The following NDST3 variants were observed in gnomAD, a reference collection of about 807,000 sequenced individuals.
NDST3 encodes the protein bifunctional heparan sulfate N-deacetylase/N-sulfotransferase 3.
A neutral mutation model predicts 96.1 loss-of-function variants in NDST3; 58 were observed. The ratio of observed to expected loss-of-function variants is 0.60; its 90% CI spans 0.49 to 0.75. The LOEUF (loss-of-function observed/expected upper bound fraction) is 0.75, where lower values mean the gene tolerates loss of function less well. Among genes scored for constraint, NDST3 ranks in the 30% least tolerant of loss-of-function variants. The pLI is 0.00. For synonymous variants in NDST3, 333 were observed against 359.7 expected, an observed-to-expected ratio of 0.93 and a Z score of 0.84; for missense variants, 788 against 1,034.2, an observed-to-expected ratio of 0.76 and a Z score of 3.27.
In NDST3 at chr4:118,053,956, AT is replaced by A; in HGVS notation, c.48del (p.Leu17CysfsTer8). On this transcript the variant is annotated frameshift_variant, in exon 2 of 14. Transcript: ENST00000296499. LOFTEE classifies it high-confidence loss of function. Reference sequence around the variant, plus strand: ...TCACAGACACTTTCAAAGAACAGTCATTCTGCTTGCCACTTTTTGTATGGTG... The same window carrying A: ...TCACAGACACTTTCAAAGAACAGTCATCTGCTTGCCACTTTTTGTATGGTG... ...KLHRHFQRTV[I>X]LLATFCMVSI... 6.2e-7 allele frequency: 1 copy of A among 1,611,776 alleles called. No homozygotes were observed. The highest frequency in any genetic ancestry group is 2.2e-5 in the East Asian group (1 of 44,830).
intron 2 of NDST3, among the ~76,000 whole-genome samples, chr4:118,075,587 C>A (rs1054044833): frequency 3.9e-5 from 6 of 152,026 alleles, no homozygotes; most frequent in Non-Finnish European, 5.9e-5. Context: ...AATGATTGCC[C>A]TTCTAAGTGG....
intron 4 of NDST3, among the ~76,000 whole-genome samples, chr4:118,132,882 G>GCC (rs1297920059): frequency 6.6e-6 from 1 of 152,114 alleles, no homozygotes; most frequent in Admixed American, 6.6e-5. Flanking sequence ...TGGAATGGGG[G>GCC]CCTCATGACT....
At chr4:118,142,961 C>T (rs942455763) in intron 5 of NDST3, among the ~76,000 whole-genome samples, 2 of 152,134 alleles carry the variant, frequency 1.3e-5, no homozygotes, top group African/African-American at 2.4e-5. Context: ...CTCTTTCTTA[C>T]AGTAGGAACT....
At chr4:118,067,598 CA>C (rs1726697395) in intron 2 of NDST3, among the ~76,000 whole-genome samples, 1 of 152,060 alleles carries the variant, frequency 6.6e-6, no homozygotes, top group Non-Finnish European at 1.5e-5. Context: ...TCATTGTATT[CA>C]AAAAAGTTAT....
chr4:118,064,806 A>T (rs768130847), intron 2 of NDST3, among the ~76,000 whole-genome samples: 3 of 152,106 alleles, frequency 2.0e-5, no homozygotes, highest in Non-Finnish European at 4.4e-5. Flanking sequence ...TTACTGAGCT[A>T]AGTTCAAGAT....
chr4:118,125,472 T>C (rs762101189), intron 4 of NDST3, among the ~76,000 whole-genome samples: 4 of 152,220 alleles, frequency 2.6e-5, no homozygotes, highest in Non-Finnish European at 4.4e-5. Flanking sequence ...GAGAAATAGT[T>C]AGTGGTCAAA....
At chr4:118,137,744 G>T (rs1733231747) in intron 4 of NDST3, among the ~76,000 whole-genome samples, 1 of 152,100 alleles carries the variant, frequency 6.6e-6, no homozygotes, top group South Asian at 2.1e-4. Flanking sequence ...GTTGACGTAT[G>T]GGCAATAGGA....
chr4:118,105,355 A>C (rs1218592187), intron 3 of NDST3, among the ~76,000 whole-genome samples: 2 of 152,198 alleles, frequency 1.3e-5, no homozygotes, highest in African/African-American at 4.8e-5. Flanking sequence ...CATAAATAGT[A>C]AATGTGATAT....
At chr4:118,071,575 G>T (rs1727080079) in intron 2 of NDST3, among the ~76,000 whole-genome samples, 3 of 152,054 alleles carry the variant, frequency 2.0e-5, no homozygotes, top group African/African-American at 4.8e-5. Flanking sequence ...ATCCATTGGG[G>T]TGTTCTACAA....
At chr4:118,142,369 G>T (rs564076960) in intron 5 of NDST3, among the ~76,000 whole-genome samples, 2 of 151,616 alleles carry the variant, frequency 1.3e-5, no homozygotes, top group South Asian at 2.1e-4. Flanking sequence ...ACAATAGGTT[G>T]TATTATATAA....
intron 6 of NDST3, among the ~76,000 whole-genome samples, chr4:118,191,436 C>CTT (rs1288827205): frequency 6.6e-6 from 1 of 152,114 alleles, no homozygotes; most frequent in Non-Finnish European, 1.5e-5. Flanking sequence ...AGGTGGTGAT[C>CTT]TTTTAAACTT....
chr4:118,205,304 T>C (rs1370035532), intron 6 of NDST3, among the ~76,000 whole-genome samples: 1 of 144,562 alleles, frequency 6.9e-6, no homozygotes, highest in Non-Finnish European at 1.5e-5. Context: ...ATTTATCATC[T>C]ATTTACAGAA....
intron 6 of NDST3, among the ~76,000 whole-genome samples, chr4:118,173,276 T>A (rs186938680): frequency 6.6e-6 from 1 of 152,108 alleles, no homozygotes; most frequent in Non-Finnish European, 1.5e-5. Flanking sequence ...AGAAGTTGCA[T>A]AATTGGACCA....
At chr4:118,171,302 A>G (rs71608347) in intron 6 of NDST3, among the ~76,000 whole-genome samples, 29,896 of 152,034 alleles carry the variant, frequency 0.2, 3,325 homozygotes, top group Non-Finnish European at 0.24. Flanking sequence ...TGGCAAGGAA[A>G]TTTTTTTAAA....
chr4:118,039,871 T>C (rs776388400), intron 1 of NDST3, among the ~76,000 whole-genome samples: 8 of 152,004 alleles, frequency 5.3e-5, no homozygotes, highest in Non-Finnish European at 1.2e-4. Flanking sequence ...GCCTGAGAGA[T>C]AAAAGTGGGA....
intron 2 of NDST3, among the ~76,000 whole-genome samples, chr4:118,055,851 G>A (rs529846801): frequency 6.6e-6 from 1 of 151,846 alleles, no homozygotes; most frequent in East Asian, 1.9e-4. Flanking sequence ...TAGTCACTAA[G>A]CATCTGGCAA....
At chr4:118,137,015 C>T (rs1018389869) in intron 4 of NDST3, among the ~76,000 whole-genome samples, 2 of 152,088 alleles carry the variant, frequency 1.3e-5, no homozygotes, top group Admixed American at 6.6e-5. Flanking sequence ...TCTTCCCCTC[C>T]TGTTCTTATT....
At chr4:118,092,465 A>G in intron 2 of NDST3, among the ~76,000 whole-genome samples, 1 of 151,768 alleles carries the variant, frequency 6.6e-6, no homozygotes, top group East Asian at 1.9e-4. Context: ...TCTGATTCTG[A>G]TTCCTCAAGT....
At chr4:118,242,177 G>T in intron 12 of NDST3, 28 bp downstream of exon 12, 1 of 1,438,602 alleles carries the variant, frequency 7.0e-7, no homozygotes, top group South Asian at 1.2e-5. Flanking sequence ...TTAGTTTATT[G>T]ACATTTCAGC....
Sources: allele counts gnomAD v4.1 joint callset (sites outside exome capture counted in the v4.1 genomes callset), GRCh38; gene constraint gnomAD v4.1.1; transcripts MANE v1.5; gene names NCBI Gene and HGNC (gene_info 2026-07-23, HGNC 2026-07-21).